Variants in EIF2B3 observed in about 807,000 individuals in gnomAD.
EIF2B3 encodes eukaryotic translation initiation factor 2B subunit gamma, also known as translation initiation factor eIF2B subunit gamma.
Under a neutral mutation model 54.1 loss-of-function variants are expected in EIF2B3, and 20 were observed. That is an observed-to-expected ratio of 0.37 (90% CI 0.26 to 0.54). The LOEUF is 0.54. Among genes scored for constraint, EIF2B3 ranks in the 20% least tolerant of loss-of-function variants. The pLI is 0.86. For synonymous variants in EIF2B3, 153 were observed against 188.1 expected (o/e 0.81, Z 1.52); for missense variants, 448 against 547.8 (o/e 0.82, Z 1.82).
chr1:44,984,541 A>G (rs142633501), intron 1 of EIF2B3, among the ~76,000 whole-genome samples: 15 of 152,184 alleles, frequency 9.9e-5, no homozygotes, highest in African/African-American at 2.9e-4. Context: ...GGGGCCTGAC[A>G]TTTAAAACTC....
At chr1:44,860,876 G>A (rs1484621922) in intron 10 of EIF2B3, among the ~76,000 whole-genome samples, 1 of 152,142 alleles carries the variant, frequency 6.6e-6, no homozygotes, top group African/African-American at 2.4e-5. Flanking sequence ...GCATGAGGGG[G>A]TGGGAAAGAG....
At position 44,958,622 on chromosome 1, in the gene EIF2B3, T is replaced by A. The variant is rs1442133243; in HGVS notation, c.295-16957A>T. 3.9e-6 allele frequency: 6 copies of A among 1,529,454 alleles called. No homozygotes were observed. The East Asian group carries it at 1.4e-4, about 34-fold the overall frequency. 94.7% of individuals were successfully genotyped at this position (1,529,454 alleles called of 1,614,324 possible). On this transcript the variant is annotated intron_variant, in intron 3 of 11. Transcript: ENST00000360403. ...AGTGTGGCATCAAACTCTATGGCTATGCATGGGTCACTGCCTGCTCTCACA... is the reference window on the plus strand; with the variant it reads ...AGTGTGGCATCAAACTCTATGGCTAAGCATGGGTCACTGCCTGCTCTCACA...
chr1:44,975,440 T>C (rs994693794), intron 3 of EIF2B3, among the ~76,000 whole-genome samples: 5 of 152,188 alleles, frequency 3.3e-5, no homozygotes, highest in Non-Finnish European at 7.3e-5. Flanking sequence ...CTAGGCTATA[T>C]GGTATAGCCT....
rs540577803 is a variant in EIF2B3 at position 44,938,691 on chromosome 1, T to C, written c.454+2815A>G. Among the ~76,000 whole-genome samples the C allele has an allele frequency of 1.3e-3, 200 of 152,200 alleles. 2 individuals carry two copies. Among genetic ancestry groups the C allele is most frequent in the South Asian group, 2.1e-3 (10 of 4,816 alleles). On this transcript the variant is annotated intron_variant, in intron 4 of 11. Coordinates refer to ENST00000360403, the MANE Select transcript of EIF2B3 (RefSeq NM_020365.5). ...TTGTAGAGATGGGGTTTCACCATGT[T>C]ACCCAGACTGGTCTCAAACTCCTGG...
At position 44,942,428 on chromosome 1, in the gene EIF2B3, T is replaced by A. The variant is rs1322620520; in HGVS notation, c.295-763A>T. Among the ~76,000 whole-genome samples, 24 of 61,262 alleles carry A rather than the reference T, an allele frequency of 3.9e-4. 3 individuals carry two copies. The highest frequency in any genetic ancestry group is 1.6e-3 in the African/African-American group (21 of 13,468). 40.2% of individuals were successfully genotyped at this position (61,262 alleles called of 152,430 possible). On this transcript the variant is annotated intron_variant, in intron 3 of 11. Transcript: ENST00000360403. ...ATATATATATATATATTTTTTTTTT[T>A]TTTTTTTTTTTTTTTTCCAGACAGG... is the stretch of plus-strand genomic sequence containing the variant.
At chr1:44,916,808 C>G (rs553191729) in intron 5 of EIF2B3, among the ~76,000 whole-genome samples, 1 of 132,840 alleles carries the variant, frequency 7.5e-6, no homozygotes, top group Non-Finnish European at 1.6e-5. Flanking sequence ...AAGATTCTGT[C>G]GCAAAAAAAA....
chr1:44,947,967 A>C (rs900513225), intron 3 of EIF2B3, among the ~76,000 whole-genome samples: 3 of 152,100 alleles, frequency 2.0e-5, no homozygotes, highest in Admixed American at 1.3e-4. Context: ...TCAGCCTCCC[A>C]AAATGCTGGG....
chr1:44,952,528 G>A (rs1644176528), intron 3 of EIF2B3, among the ~76,000 whole-genome samples: 1 of 150,582 alleles, frequency 6.6e-6, no homozygotes, highest in Non-Finnish European at 1.5e-5. Flanking sequence ...CATTCTGCCT[G>A]TACAATAAAT....
Position 44,881,791 on chromosome 1 carries a change from C to G in EIF2B3, c.657-52G>C, listed in dbSNP as rs753907652. ...AGAAACCTGACTGTCTGGAACATAC[C>G]CGGATCAAAAGCTCTGTGCATACAA... is the stretch of plus-strand genomic sequence containing the variant. On this transcript the variant is annotated intron_variant, in intron 6 of 11. Transcript: ENST00000360403. The surrounding 1 kb of genome is among the most constrained non-coding windows in gnomAD (Gnocchi z 4.0). 4 of 1,608,194 alleles carry G rather than the reference C, an allele frequency of 2.5e-6. 1 individual carries two copies. In the South Asian group the frequency reaches 4.4e-5, roughly 18 times the overall value.
chr1:44,876,185 C>T (rs1430632956), intron 8 of EIF2B3, among the ~76,000 whole-genome samples: 1 of 152,052 alleles, frequency 6.6e-6, no homozygotes, highest in Non-Finnish European at 1.5e-5. Flanking sequence ...GAGATTGCAG[C>T]CTCTGCCCGG....
At chr1:44,883,190 G>A (rs1443317409) in intron 6 of EIF2B3, among the ~76,000 whole-genome samples, 6 of 151,356 alleles carry the variant, frequency 4.0e-5, no homozygotes, top group Non-Finnish European at 7.4e-5. Context: ...CGCTTGCTCC[G>A]GCCTCTCAAC....
chr1:44,885,312 T>TA lies in EIF2B3; in HGVS notation c.657-3574dup, dbSNP rs141308949. On this transcript the variant is annotated intron_variant, in intron 6 of 11. Coordinates refer to ENST00000360403, the MANE Select transcript of EIF2B3 (RefSeq NM_020365.5). The stretch of plus-strand genomic sequence containing the variant: ...ATATTCTTAATAAACAGATATGTGT[T>TA]AAAAAAACATATAAAATATTTTCAA... Among the ~76,000 whole-genome samples the TA allele has an allele frequency of 1.4e-3, 214 of 152,264 alleles. 2 individuals are homozygous for TA. Among genetic ancestry groups the TA allele is most frequent in the Admixed American group, 0.012 (187 of 15,296 alleles).
chr1:44,974,972 T>C (rs940586431), intron 3 of EIF2B3, among the ~76,000 whole-genome samples: 5 of 152,198 alleles, frequency 3.3e-5, no homozygotes, highest in Admixed American at 6.5e-5. Flanking sequence ...CCCAGCACTT[T>C]AGGAGACTGA....
chr1:44,983,643 G>A (rs562463687), intron 1 of EIF2B3, among the ~76,000 whole-genome samples: 155 of 152,054 alleles, frequency 1.0e-3, no homozygotes, highest in African/African-American at 3.5e-3. Context: ...AGGCCCAGGC[G>A]GGCGGATCAC....
At chr1:44,853,354 C>T (rs1331890946) in intron 11 of EIF2B3, among the ~76,000 whole-genome samples, 2 of 151,968 alleles carry the variant, frequency 1.3e-5, no homozygotes, top group African/African-American at 2.4e-5. Context: ...CTCGCTCCTG[C>T]AATCCAGCAC....
chr1:44,903,552 T>C (rs1643354632), intron 5 of EIF2B3, among the ~76,000 whole-genome samples: 1 of 152,216 alleles, frequency 6.6e-6, no homozygotes. Context: ...GTACAATGCT[T>C]AGTTCCTAGA....
intron 5 of EIF2B3, among the ~76,000 whole-genome samples, chr1:44,916,655 A>C (rs1643629675): frequency 6.6e-6 from 1 of 150,716 alleles, no homozygotes; most frequent in African/African-American, 2.4e-5. Flanking sequence ...ACTTCCTCGC[A>C]ACAAAAAACA....
At chr1:44,925,080 T>C (rs892898483) in intron 5 of EIF2B3, 4 of 152,198 alleles carry the variant, frequency 2.6e-5, no homozygotes, top group African/African-American at 9.6e-5. Context: ...GCACTGTTGG[T>C]GGGATTGTAA....
intron 6 of EIF2B3, among the ~76,000 whole-genome samples, chr1:44,886,474 G>A (rs1011376356): frequency 2.0e-5 from 3 of 152,232 alleles, no homozygotes; most frequent in Non-Finnish European, 2.9e-5. Flanking sequence ...GTTCACAATA[G>A]TTATCTCACA....
Sources: gnomAD v4.1 joint callset for allele counts (sites outside exome capture counted in the v4.1 genomes callset) on GRCh38, gnomAD v4.1.1 for gene constraint, Gnocchi (gnomAD v3.1) non-coding constraint, MANE v1.5 for transcripts, NCBI Gene and HGNC (gene_info 2026-07-23, HGNC 2026-07-21) for gene names.